The following SNX20 variants were observed in gnomAD, a reference collection of about 807,000 sequenced individuals.
The protein encoded by SNX20 is sorting nexin-20.
In SNX20, 21 loss-of-function variants were observed where a neutral mutation model predicts 24.5. The observed-to-expected ratio is 0.86, with a 90% CI of 0.61 to 1.23. The LOEUF is 1.23. Among genes scored for constraint, SNX20 ranks in the 50% most tolerant of loss-of-function variants. The probability of loss-of-function intolerance (pLI) is 0.00; values close to 1 mark genes in which losing one functional copy is unlikely to be tolerated. For synonymous variants in SNX20, 206 were observed against 192.8 expected, an observed-to-expected ratio of 1.07 and a Z score of -0.57; for missense variants, 433 against 430.8, an observed-to-expected ratio of 1.00 and a Z score of -0.04.
At chr16:50,676,439 G>A (rs996958551) in intron 2 of SNX20, among the ~76,000 whole-genome samples, 7 of 152,100 alleles carry the variant, frequency 4.6e-5, no homozygotes, top group East Asian at 1.9e-4. Flanking sequence ...CTTCTCGGAC[G>A]TGCACTGCTC....
downstream of SNX20, chr16:50,668,078 G>A: frequency 6.4e-7 from 1 of 1,551,644 alleles, no homozygotes. Context: ...AATCAAAGCT[G>A]AAACCAGGCC....
downstream of SNX20, chr16:50,668,613 C>G (rs938314487): frequency 1.2e-4 from 124 of 1,016,484 alleles, no homozygotes; most frequent in Non-Finnish European, 1.4e-4. Flanking sequence ...ATTGTTGGGC[C>G]CCAGAGGGAA....
rs1032692402 is a variant in SNX20, at chr16:50,672,287, G to A, written c.*1119C>T. The A allele has an allele frequency of 4.6e-5, 7 of 152,250 alleles. No individual in the cohort carries two copies. The highest frequency in any genetic ancestry group is 1.4e-4 in the African/African-American group (6 of 41,448). 9.4% of individuals were successfully genotyped at this position (152,250 alleles called of 1,614,324 possible). A position where few individuals can be genotyped will look rare whatever the true frequency, so the allele number is the denominator to read the frequency against. On this transcript the variant is annotated 3_prime_UTR_variant, in exon 4 of 4. Coordinates refer to ENST00000330943, the MANE Select transcript of SNX20 (RefSeq NM_182854.4). ...TGTTGTATCACCTCCTCCCCAGGCT[G>A]TTTCTACATAACCCAGGGAAGCCAT... is the stretch of plus-strand genomic sequence containing the variant.
Position 50,677,465 on chromosome 16 carries a change from G to T in SNX20, c.62C>A (p.Ala21Glu), listed in dbSNP as rs1307512396. ...GGCTGGTGCTTCCTGCTGGGTCCTT[G>T]CCGTGCACTGGGTTATGGGTCCCAT... ...GCMGPITQCTARTQQEAPATG... is the reference protein window; with the variant it reads ...GCMGPITQCTERTQQEAPATG... The change falls in exon 2 of 4, where the codon GCA (alanine) becomes GAA (glutamate). Residue 21 changes from alanine to glutamate, a missense_variant. Ala to Glu is a moderately radical substitution (Grantham distance 107). Coordinates refer to ENST00000330943, the MANE Select transcript of SNX20 (RefSeq NM_182854.4). The T allele has an allele frequency of 6.2e-7, 1 of 1,610,288 alleles. No individual in the cohort carries two copies. The highest frequency in any genetic ancestry group is 8.5e-7 in the Non-Finnish European group (1 of 1,178,218).
In SNX20 at chr16:50,673,801, G is replaced by A. The variant is rs773010904; in HGVS notation, c.556C>T (p.Arg186Trp). Residue 186 changes from arginine to tryptophan, a missense_variant, in exon 4 of 4, where the codon CGG (arginine) becomes TGG (tryptophan). Arg to Trp is a moderately radical substitution (Grantham distance 101, BLOSUM62 -3). Coordinates refer to ENST00000330943, the MANE Select transcript of SNX20 (RefSeq NM_182854.4). This position sits in a 1 kb window ranked among gnomAD's most constrained non-coding sequence, Gnocchi z 4.1. Reference sequence around the variant, plus strand: ...CCGAAAGCCTCGCGCAGCTCCGGCCGCGTGAGGAAGTCCAGGAACTCCCGG... The same window carrying A: ...CCGAAAGCCTCGCGCAGCTCCGGCCACGTGAGGAAGTCCAGGAACTCCCGG... ...RSREFLDFLT[R>W]PELREAFGCL... The A allele has an allele frequency of 7.6e-6, 12 of 1,585,352 alleles. No homozygotes were observed. The highest frequency in any genetic ancestry group is 2.3e-5 in the East Asian group (1 of 43,880).
In SNX20 at chr16:50,675,828, T is replaced by C. The variant is rs1963168261; in HGVS notation, c.224A>G (p.Lys75Arg). The C allele has an allele frequency of 6.2e-7, 1 of 1,613,750 alleles. No individual in the cohort carries two copies. Among genetic ancestry groups the C allele is most frequent in the South Asian group, 1.1e-5 (1 of 91,024 alleles). The change falls in exon 3 of 4, where the codon AAA (lysine) becomes AGA (arginine). Residue 75 changes from lysine (K) to arginine (R), a missense_variant. Physicochemically the swap from Lys to Arg is conservative, Grantham distance 26 (BLOSUM62 2). Transcript: ENST00000330943. ...QNQKCRWKHV[K>R]LLFEIASARI... is the part of the protein sequence containing the mutation. The stretch of plus-strand genomic sequence containing the variant: ...AGCTGAAGCGATCTCAAAGAGCAGT[T>C]TGACGTGCTTCCAGCGGCATTTCTG...
intron 1 of SNX20, 73 bp from the exon 2 acceptor site, chr16:50,677,608 A>T: frequency 1.5e-6 from 2 of 1,378,208 alleles, no homozygotes; most frequent in South Asian, 3.2e-5. Context: ...GGTGCCTAGG[A>T]GCTGTGTCAT....
downstream of SNX20, chr16:50,668,032 G>T (rs943472884): frequency 2.6e-6 from 4 of 1,551,718 alleles, no homozygotes; most frequent in Admixed American, 5.9e-5. Context: ...GTGGCGTCAG[G>T]AGCCGGAGCC....
downstream of SNX20, chr16:50,668,961 C>T: frequency 6.5e-7 from 1 of 1,536,166 alleles, no homozygotes; most frequent in Non-Finnish European, 8.8e-7. Context: ...AGCACTGACC[C>T]TGCACCCCTA....
chr16:50,667,366 C>T (rs989625999), downstream of SNX20: 1 of 153,854 alleles, frequency 6.5e-6, no homozygotes, highest in African/African-American at 2.4e-5. Context: ...TAAAATTCTC[C>T]CCTCTCTGTG....
In SNX20 at chr16:50,671,881, T is replaced by C. The variant is rs553802474; in HGVS notation, c.*1525A>G. ...TTGAACAGATTCTGGTGCAGTCTAGTGCATAGCTGTCCACTTCTAGAGTGA... is the reference window on the plus strand; with the variant it reads ...TTGAACAGATTCTGGTGCAGTCTAGCGCATAGCTGTCCACTTCTAGAGTGA... On this transcript the variant is annotated 3_prime_UTR_variant, in exon 4 of 4. Transcript: ENST00000330943. 6 of 152,358 alleles carry C rather than the reference T, an allele frequency of 3.9e-5. No individual in the cohort carries two copies. Among genetic ancestry groups the C allele is most frequent in the African/African-American group, 1.2e-4 (5 of 41,578 alleles). The allele number at this position is 152,358 out of a possible 1,614,324, so 9.4% of individuals were successfully genotyped here.
downstream of SNX20, chr16:50,668,602 C>T: frequency 9.8e-7 from 1 of 1,016,278 alleles, no homozygotes; most frequent in Non-Finnish European, 1.2e-6. Context: ...CAGGCTGTGG[C>T]ATTGTTGGGC....
chr16:50,673,274 C>A lies in SNX20; in HGVS notation c.*132G>T. ...CATAATTGAGCCACTGCACTTCAGT[C>A]TGGGTGACAGAGCAAGACTGTCTCA... On this transcript the variant is annotated 3_prime_UTR_variant, in exon 4 of 4. Coordinates refer to ENST00000330943, the MANE Select transcript of SNX20 (RefSeq NM_182854.4). The surrounding 1 kb of genome is among the most constrained non-coding windows in gnomAD (Gnocchi z 4.1). The A allele has an allele frequency of 7.6e-7, 1 of 1,312,370 alleles. No homozygotes were observed. The highest frequency in any genetic ancestry group is 2.3e-5 in the South Asian group (1 of 43,538). The allele number at this position is 1,312,370 out of a possible 1,614,324, so 81.3% of individuals were successfully genotyped here.
rs140785449 is a variant in SNX20, at chr16:50,678,009, C to A, written c.-9-474G>T. ...ATCACTTGAGCCCAGGAATTTGAGA[C>A]CAGCCTGGCCAATGTAGTGAGACCC... On this transcript the variant is annotated intron_variant, in intron 1 of 3. Coordinates refer to ENST00000330943, the MANE Select transcript of SNX20 (RefSeq NM_182854.4). 8.1e-3 allele frequency among the ~76,000 whole-genome samples: 1,239 copies of A among 152,058 alleles called. 60 individuals are homozygous for A. Among genetic ancestry groups the A allele is most frequent in the Admixed American group, 0.072 (1,099 of 15,272 alleles).
In SNX20 at chr16:50,672,299, C is replaced by T. The variant is rs990622319; in HGVS notation, c.*1107G>A. On this transcript the variant is annotated 3_prime_UTR_variant, in exon 4 of 4. Transcript: ENST00000330943. ...TCCTCCCCAGGCTGTTTCTACATAA[C>T]CCAGGGAAGCCATTCAGGGAACAGC... 6.6e-6 allele frequency: 1 copy of T among 152,258 alleles called. No individual in the cohort carries two copies. Among genetic ancestry groups the T allele is most frequent in the Admixed American group, 6.5e-5 (1 of 15,294 alleles). The allele number at this position is 152,258 out of a possible 1,614,324, so 9.4% of individuals were successfully genotyped here.
At chr16:50,668,088 C>T, downstream of SNX20, 1 of 1,551,522 alleles carries the variant, frequency 6.4e-7, no homozygotes, top group Non-Finnish European at 8.7e-7. Flanking sequence ...GAAACCAGGC[C>T]CACGACTTAG....
In SNX20 at chr16:50,675,770, C is replaced by T; in HGVS notation, c.282G>A (p.Val94=). The change falls in exon 3 of 4, where the codon GTG becomes GTA. Residue 94 remains valine (V), a splice_region_variant and synonymous_variant. Transcript: ENST00000330943. ...RIEERKVSKF[V]VYQIIVIQTG... ...CCACCATTTCCCAATCTCTGCTTACCACAAACTTAGAGACTTTTCTCTCCT... is the reference window on the plus strand; with the variant it reads ...CCACCATTTCCCAATCTCTGCTTACTACAAACTTAGAGACTTTTCTCTCCT... The T allele has an allele frequency of 6.2e-7, 1 of 1,612,650 alleles. No individual in the cohort carries two copies. The highest frequency in any genetic ancestry group is 8.5e-7 in the Non-Finnish European group (1 of 1,179,408).
chr16:50,667,935 G>A (rs892781577), downstream of SNX20: 1 of 1,376,574 alleles, frequency 7.3e-7, no homozygotes, highest in Non-Finnish European at 1.0e-6. Flanking sequence ...AGATGGGTAG[G>A]GGGGGACCCA....
intron 1 of SNX20, among the ~76,000 whole-genome samples, chr16:50,680,714 C>A (rs1160917935): frequency 6.6e-6 from 1 of 152,154 alleles, no homozygotes; most frequent in Non-Finnish European, 1.5e-5. Context: ...GGACGCTCAC[C>A]TGAGAAGCCT....
Sources: gnomAD v4.1 joint callset for allele counts (sites outside exome capture counted in the v4.1 genomes callset) on GRCh38, gnomAD v4.1.1 for gene constraint, Gnocchi (gnomAD v3.1) non-coding constraint, MANE v1.5 for transcripts, NCBI Gene and HGNC (gene_info 2026-07-23, HGNC 2026-07-21) for gene names.